Variants in SIN3A observed in about 807,000 individuals in gnomAD.
The protein encoded by SIN3A is SIN3 transcription regulator family member A.
In SIN3A, 14 loss-of-function variants were observed where a neutral mutation model predicts 146.1. That is an observed-to-expected ratio of 0.10 (90% CI 0.06 to 0.15). SIN3A has a LOEUF of 0.15. SIN3A is among the 10% of genes least tolerant of loss of function. The pLI is 1.00. For synonymous variants in SIN3A, 572 were observed against 572.0 expected (o/e 1.00, Z 0.00); for missense variants, 1,028 against 1,576.0 (o/e 0.65, Z 5.89).
At chr15:75,449,743 A>AT (rs2074369220) in intron 1 of SIN3A, among the ~76,000 whole-genome samples, 1 of 152,252 alleles carries the variant, frequency 6.6e-6, no homozygotes, top group African/African-American at 2.4e-5. Context: ...CTTTTCACCT[A>AT]TAGTTACCTA....
At chr15:75,399,055 A>T (rs1595898856) in intron 12 of SIN3A, among the ~76,000 whole-genome samples, 1 of 151,400 alleles carries the variant, frequency 6.6e-6, no homozygotes, top group South Asian at 2.1e-4. Flanking sequence ...AAAAAAATTT[A>T]CCCAGGCATG....
chr15:75,410,233 T>C lies in SIN3A; in HGVS notation c.1062A>G (p.Thr354=), dbSNP rs768501302. ...EAGGNYTPAL[T]EQEVYAQVAR... is the part of the protein sequence containing the mutation. Reference sequence around the variant, plus strand: ...CAACCTGGGCATACACCTCCTGCTCTGTCAATGCTGGAGTGTAGTTTCCTC... The same window carrying C: ...CAACCTGGGCATACACCTCCTGCTCCGTCAATGCTGGAGTGTAGTTTCCTC... The change falls in exon 7 of 21, where the codon ACA becomes ACG. Residue 354 remains threonine, a synonymous_variant. Coordinates refer to ENST00000394947, the MANE Select transcript of SIN3A (RefSeq NM_001145358.2). 6.2e-7 allele frequency: 1 copy of C among 1,614,142 alleles called. No homozygotes were observed. The highest frequency in any genetic ancestry group is 2.2e-5 in the East Asian group (1 of 44,878).
chr15:75,429,491 AC>A (rs1432427213), intron 2 of SIN3A, among the ~76,000 whole-genome samples: 2 of 152,112 alleles, frequency 1.3e-5, no homozygotes, highest in East Asian at 1.9e-4. Context: ...CAGTGCCTCA[AC>A]CCCCACACTG....
At chr15:75,394,618 A>T in intron 14 of SIN3A, 62 bp downstream of exon 14, 1 of 1,376,786 alleles carries the variant, frequency 7.3e-7, no homozygotes, top group Non-Finnish European at 9.9e-7. Flanking sequence ...AATTTCCAGA[A>T]ATCAAAGCTG....
chr15:75,417,953 C>T (rs1316153359), intron 3 of SIN3A, among the ~76,000 whole-genome samples: 5 of 152,188 alleles, frequency 3.3e-5, no homozygotes, highest in Middle Eastern at 3.4e-3. Flanking sequence ...GGGACCATCT[C>T]GAAAAACAGA....
intron 14 of SIN3A, among the ~76,000 whole-genome samples, chr15:75,394,099 T>C (rs1332134241): frequency 6.6e-6 from 1 of 152,186 alleles, no homozygotes; most frequent in Non-Finnish European, 1.5e-5. Context: ...TGAGCCACTG[T>C]GCCCGGCCTG....
At chr15:75,394,645 G>A in intron 14 of SIN3A, 35 bp downstream of exon 14, 1 of 1,540,482 alleles carries the variant, frequency 6.5e-7, no homozygotes, top group Middle Eastern at 1.7e-4. Context: ...ATATAGACTA[G>A]AGTCCTCTCA....
chr15:75,402,103 C>A, intron 9 of SIN3A, 133 bp from the exon 10 acceptor site: 1 of 633,950 alleles, frequency 1.6e-6, no homozygotes. Context: ...CATCCTCAGC[C>A]TCCCAAGTAG....
At chr15:75,414,903 C>T (rs74023985) in intron 3 of SIN3A, among the ~76,000 whole-genome samples, 3,685 of 151,846 alleles carry the variant, frequency 0.024, 158 homozygotes, top group African/African-American at 0.085. Flanking sequence ...AGACAGGATA[C>T]GATATGGGAT....
rs577072714 is a variant in SIN3A, at chr15:75,370,756, A to T, written c.*1223T>A. On this transcript the variant is annotated 3_prime_UTR_variant, in exon 21 of 21. Transcript: ENST00000394947. The stretch of plus-strand genomic sequence containing the variant: ...TTTTCAGATTATTTGAACAAGGGAA[A>T]AAAACACGTACTAAAAGACTTAAGT... 1 of 152,354 alleles carries T rather than the reference A, an allele frequency of 6.6e-6. No homozygotes were observed. Among genetic ancestry groups the T allele is most frequent in the East Asian group, 1.9e-4 (1 of 5,194 alleles). 9.4% of individuals were successfully genotyped at this position (152,354 alleles called of 1,614,324 possible). A position where few individuals can be genotyped will look rare whatever the true frequency, so the allele number is the denominator to read the frequency against.
intron 1 of SIN3A, among the ~76,000 whole-genome samples, chr15:75,440,898 C>T (rs184756219): frequency 2.8e-5 from 4 of 145,364 alleles, no homozygotes; most frequent in African/African-American, 1.0e-4. Flanking sequence ...AGGAGAATGG[C>T]GTGAACCTGG....
chr15:75,424,540 C>T (rs1419257878), intron 2 of SIN3A, among the ~76,000 whole-genome samples: 1 of 152,028 alleles, frequency 6.6e-6, no homozygotes, highest in African/African-American at 2.4e-5. Context: ...GTGGTACAAT[C>T]ATGGCTCACT....
At chr15:75,430,437 A>T in intron 1 of SIN3A, 29 bp from the exon 2 acceptor site, 1 of 1,513,884 alleles carries the variant, frequency 6.6e-7, no homozygotes, top group Non-Finnish European at 8.9e-7. Context: ...ATAGCATGCA[A>T]GTCAATTCTC....
intron 3 of SIN3A, chr15:75,416,101 A>G: frequency 4.5e-6 from 1 of 223,996 alleles, no homozygotes; most frequent in Non-Finnish European, 9.3e-6. Context: ...GTAAATTTTG[A>G]AATACCATTG....
chr15:75,385,155 G>C (rs2073054871), intron 16 of SIN3A, among the ~76,000 whole-genome samples: 1 of 152,172 alleles, frequency 6.6e-6, no homozygotes, highest in African/African-American at 2.4e-5. Flanking sequence ...ACCGTGAGCT[G>C]GGGTGAGGAA....
At chr15:75,434,599 G>A (rs897231320) in intron 1 of SIN3A, among the ~76,000 whole-genome samples, 2 of 150,456 alleles carry the variant, frequency 1.3e-5, no homozygotes, top group Non-Finnish European at 3.0e-5. Flanking sequence ...GCAGTGAGCC[G>A]AAATCGCGCC....
intron 5 of SIN3A, 115 bp from the exon 6 acceptor site, chr15:75,411,858 G>T: frequency 8.6e-7 from 1 of 1,157,906 alleles, no homozygotes; most frequent in Non-Finnish European, 1.2e-6. Flanking sequence ...ACTCACTCAG[G>T]CCAGGTCATT....
intron 3 of SIN3A, chr15:75,416,036 G>A: frequency 3.1e-6 from 1 of 317,480 alleles, no homozygotes; most frequent in Non-Finnish European, 6.1e-6. Context: ...GTGCATTTTT[G>A]GTAACTGTGT....
intron 15 of SIN3A, among the ~76,000 whole-genome samples, 155 bp downstream of exon 15, chr15:75,392,087 G>A (rs533229963): frequency 6.6e-6 from 1 of 152,176 alleles, no homozygotes; most frequent in South Asian, 2.1e-4. Context: ...CAAGCAACTA[G>A]AGCCTCCATT....
Sources: allele counts gnomAD v4.1 joint callset (sites outside exome capture counted in the v4.1 genomes callset), GRCh38; gene constraint gnomAD v4.1.1; transcripts MANE v1.5; gene names NCBI Gene and HGNC (gene_info 2026-07-23, HGNC 2026-07-21).